COBL: variants seen among roughly 807,000 people sequenced by gnomAD.
COBL encodes the protein cordon-bleu WH2 repeat protein.
In COBL, 51 loss-of-function variants were observed where a neutral mutation model predicts 98.8. That is an observed-to-expected ratio of 0.52 (90% CI 0.41 to 0.65). The LOEUF (loss-of-function observed/expected upper bound fraction) is 0.65. Ranked by LOEUF, COBL falls within the 30% of genes least tolerant of loss-of-function variation. COBL has a pLI of 0.00. For synonymous variants in COBL, 634 were observed against 651.7 expected (o/e 0.97, Z 0.41); for missense variants, 1,617 against 1,617.5 (o/e 1.00, Z 0.01).
chr7:51,103,499 T>C (rs2128965727), intron 6 of COBL, among the ~76,000 whole-genome samples: 1 of 152,316 alleles, frequency 6.6e-6, no homozygotes, highest in Non-Finnish European at 1.5e-5. Flanking sequence ...TCCGCCCTTT[T>C]TTGGTTTCTC....
chr7:51,169,478 T>G (rs1329061351), intron 5 of COBL, among the ~76,000 whole-genome samples: 2 of 152,226 alleles, frequency 1.3e-5, no homozygotes, highest in Non-Finnish European at 2.9e-5. Flanking sequence ...TTTCAGTTAC[T>G]TTTTGGTTTC....
intron 7 of COBL, among the ~76,000 whole-genome samples, chr7:51,056,209 TG>T (rs5884184): frequency 2.5e-5 from 3 of 122,134 alleles, no homozygotes; most frequent in Admixed American, 8.3e-5. Context: ...AGAAACAATA[TG>T]GGGGGGTGCA....
intron 6 of COBL, among the ~76,000 whole-genome samples, chr7:51,095,293 A>T (rs1795171681): frequency 6.6e-6 from 1 of 152,204 alleles, no homozygotes; most frequent in Non-Finnish European, 1.5e-5. Context: ...CAAGGGACAG[A>T]TCCACCACCA....
At chr7:51,092,177 T>A (rs539610197) in intron 6 of COBL, among the ~76,000 whole-genome samples, 1 of 152,204 alleles carries the variant, frequency 6.6e-6, no homozygotes, top group Non-Finnish European at 1.5e-5. Context: ...GGGAATCTAA[T>A]GTCTGATGAT....
chr7:51,146,462 G>A lies in COBL; in HGVS notation c.784-10131C>T, dbSNP rs17152227. ...TCAAAGCGATCGGCAGTTTCCTTGA[G>A]GTTCTCTTGGCAATCTTGTCATTTA... On this transcript the variant is annotated intron_variant, in intron 5 of 12. Transcript: ENST00000265136. Among the ~76,000 whole-genome samples, 506 of 152,182 alleles carry A rather than the reference G, an allele frequency of 3.3e-3. 1 individual carries two copies. The highest frequency in any genetic ancestry group is 0.011 in the African/African-American group (453 of 41,528).
At chr7:51,069,609 T>A (rs1021482206) in intron 7 of COBL, among the ~76,000 whole-genome samples, 2 of 152,254 alleles carry the variant, frequency 1.3e-5, no homozygotes, top group Non-Finnish European at 2.9e-5. Context: ...ACTTTTAATA[T>A]TGGCAACTTT....
chr7:51,089,922 T>C (rs1427080879), intron 6 of COBL, among the ~76,000 whole-genome samples: 4 of 152,202 alleles, frequency 2.6e-5, no homozygotes, highest in African/African-American at 7.2e-5. Context: ...CTCCACAGAA[T>C]TGATGAGCCA....
intron 1 of COBL, among the ~76,000 whole-genome samples, chr7:51,303,170 CGG>C (rs1283934271): frequency 1.3e-5 from 2 of 152,182 alleles, no homozygotes; most frequent in Non-Finnish European, 2.9e-5. Flanking sequence ...CTTTTACATT[CGG>C]ATGCAGAGAT....
intron 6 of COBL, among the ~76,000 whole-genome samples, chr7:51,113,517 C>T (rs557891009): frequency 2.6e-5 from 4 of 152,184 alleles, no homozygotes; most frequent in South Asian, 2.1e-4. Context: ...CTCAATTCCA[C>T]GGCTTAAAAT....
chr7:51,169,415 T>C, intron 5 of COBL, among the ~76,000 whole-genome samples: 1 of 152,216 alleles, frequency 6.6e-6, no homozygotes. Flanking sequence ...GGCTGTGTCA[T>C]GAGTGCATCC....
At chr7:51,051,185 A>C (rs1407203940) in intron 7 of COBL, among the ~76,000 whole-genome samples, 1 of 152,228 alleles carries the variant, frequency 6.6e-6, no homozygotes, top group Non-Finnish European at 1.5e-5. Context: ...CTTCTTCTTT[A>C]AGACTGTCTT....
intron 7 of COBL, among the ~76,000 whole-genome samples, chr7:51,079,984 G>A (rs1793473835): frequency 6.6e-6 from 1 of 152,210 alleles, no homozygotes. Context: ...ACTAATAACA[G>A]TTTCAGCATC....
intron 5 of COBL, among the ~76,000 whole-genome samples, chr7:51,146,386 G>A (rs1358210878): frequency 6.6e-6 from 1 of 152,148 alleles, no homozygotes; most frequent in African/African-American, 2.4e-5. Context: ...CATGACTGCA[G>A]GGAGGGGCTG....
chr7:51,172,518 C>A, intron 5 of COBL: 1 of 1,287,782 alleles, frequency 7.8e-7, no homozygotes, highest in Non-Finnish European at 1.0e-6. Flanking sequence ...CCCGACAGCA[C>A]GAGCTGCTCA....
rs1445076195 is a variant in COBL, at chr7:51,316,765, G to A, written c.-132C>T. 1 of 703,960 alleles carries A rather than the reference G, an allele frequency of 1.4e-6. No homozygotes were observed. Among genetic ancestry groups the A allele is most frequent in the Non-Finnish European group, 1.9e-6 (1 of 518,888 alleles). 43.6% of individuals were successfully genotyped at this position (703,960 alleles called of 1,614,324 possible). On this transcript the variant is annotated 5_prime_UTR_variant, in exon 1 of 13. Coordinates refer to ENST00000265136, the MANE Select transcript of COBL (RefSeq NM_015198.5). ...CGTCCTCCCACGCGGGCCGGCGGAG[G>A]ACAGCGGCGGAGCGCGGCGGACGGA...
chr7:51,029,544 TGGAGCTGGTGAG>T lies in COBL; in HGVS notation c.1540_1551del (p.Leu514_Ser517del), dbSNP rs1171846320. Reference sequence around the variant, plus strand: ...GGGCAGTGGTTGGATGCACCATGGATGGAGCTGGTGAGGGAGCTGGTGTCTGTTTCATAGCTG... The same window carrying T: ...GGGCAGTGGTTGGATGCACCATGGATGGAGCTGGTGTCTGTTTCATAGCTG... On this transcript the variant is annotated inframe_deletion, in exon 10 of 13. Transcript: ENST00000265136. 2 of 1,610,960 alleles carry T rather than the reference TGGAGCTGGTGAG, an allele frequency of 1.2e-6. No homozygotes were observed. Among genetic ancestry groups the T allele is most frequent in the African/African-American group, 2.7e-5 (2 of 74,998 alleles).
chr7:51,316,729 C>T lies in COBL; in HGVS notation c.-96G>A, dbSNP rs1803651474. 2.0e-6 allele frequency: 2 copies of T among 998,834 alleles called. No homozygotes were observed. Among genetic ancestry groups the T allele is most frequent in the Non-Finnish European group, 2.5e-6 (2 of 786,336 alleles). The allele number at this position is 998,834 out of a possible 1,614,324, so 61.9% of individuals were successfully genotyped here. A position where few individuals can be genotyped will look rare whatever the true frequency, so the allele number is the denominator to read the frequency against. On this transcript the variant is annotated 5_prime_UTR_variant, in exon 1 of 13. Transcript: ENST00000265136. ...CTGCCGCCCTCATTCACTTTTTCCG[C>T]GCTGACCCATCGTCCTCCCACGCGG...
chr7:51,247,374 C>T (rs1796350066), intron 1 of COBL, among the ~76,000 whole-genome samples: 1 of 152,196 alleles, frequency 6.6e-6, no homozygotes, highest in South Asian at 2.1e-4. Context: ...GTCTTTTGGA[C>T]AGGATCTCCT....
chr7:51,204,948 T>C (rs1791529629), intron 2 of COBL, among the ~76,000 whole-genome samples: 3 of 152,152 alleles, frequency 2.0e-5, no homozygotes, highest in Admixed American at 2.0e-4. Context: ...AGAAATAAAC[T>C]TAACCAAACA....
Sources: allele counts gnomAD v4.1 joint callset (sites outside exome capture counted in the v4.1 genomes callset), GRCh38; gene constraint gnomAD v4.1.1; transcripts MANE v1.5; gene names NCBI Gene and HGNC (gene_info 2026-07-23, HGNC 2026-07-21).